The following PML variants were observed in gnomAD, a reference collection of about 807,000 sequenced individuals.
PML encodes the protein protein PML.
A neutral mutation model predicts 65.2 loss-of-function variants in PML; 28 were observed. The observed-to-expected ratio is 0.43, with a 90% CI of 0.32 to 0.59. PML has a LOEUF of 0.59. PML is among the 20% of genes least tolerant of loss of function. The pLI, the probability that PML is intolerant of heterozygous loss-of-function variation, is 0.08. For synonymous variants in PML, 500 were observed against 508.8 expected (o/e 0.98, Z 0.23); for missense variants, 1,021 against 1,203.4 (o/e 0.85, Z 2.24).
At chr15:73,998,610 G>T in intron 2 of PML, 134 bp downstream of exon 2, 1 of 744,432 alleles carries the variant, frequency 1.3e-6, no homozygotes. Context: ...GTGGTCTGCA[G>T]ATATGCAGTG....
chr15:74,047,057 A>C lies in PML; in HGVS notation c.*2049A>C, dbSNP rs1007165688. On this transcript the variant is annotated 3_prime_UTR_variant, in exon 9 of 9. Coordinates refer to ENST00000268058, the MANE Select transcript of PML (RefSeq NM_033238.3). ...ATGGGAGTGCCATGTGGCAGGAAAG[A>C]AGCACCGATTTCAAGAATTACTTCC... 5 of 230,226 alleles carry C rather than the reference A, an allele frequency of 2.2e-5. No individual in the cohort carries two copies. The highest frequency in any genetic ancestry group is 3.4e-5 in the Non-Finnish European group (4 of 116,288). 14.3% of individuals were successfully genotyped at this position (230,226 alleles called of 1,614,324 possible). A position where few individuals can be genotyped will look rare whatever the true frequency, so the allele number is the denominator to read the frequency against.
chr15:74,036,025 G>A (rs2071545717), intron 7 of PML: 1 of 1,613,956 alleles, frequency 6.2e-7, no homozygotes, highest in East Asian at 2.2e-5. Context: ...TCCAGCCCAT[G>A]CTCTTACAGG....
At chr15:74,034,948 A>G in intron 7 of PML, 1 of 1,460,710 alleles carries the variant, frequency 6.8e-7, no homozygotes, top group Non-Finnish European at 9.0e-7. Context: ...TAGGGGCCAA[A>G]CAAGTGAGGT....
chr15:74,045,153 G>A lies in PML; in HGVS notation c.*145G>A, dbSNP rs1048089610. 1 of 746,420 alleles carries A rather than the reference G, an allele frequency of 1.3e-6. No individual in the cohort carries two copies. 46.2% of individuals were successfully genotyped at this position (746,420 alleles called of 1,614,324 possible). On this transcript the variant is annotated 3_prime_UTR_variant, in exon 9 of 9. Coordinates refer to ENST00000268058, the MANE Select transcript of PML (RefSeq NM_033238.3). ...TTCAGAATCAGTTCCCTTTCTCTGG[G>A]ACCAAATTTCCCTTCTCTAAACATC...
chr15:74,007,650 A>T (rs1425471402), intron 2 of PML, among the ~76,000 whole-genome samples: 1 of 152,128 alleles, frequency 6.6e-6, no homozygotes, highest in African/African-American at 2.4e-5. Flanking sequence ...GTGGCTTTAA[A>T]CCTGGGACTC....
intron 2 of PML, among the ~76,000 whole-genome samples, chr15:74,014,800 G>T (rs2070493930): frequency 6.6e-6 from 1 of 152,048 alleles, no homozygotes; most frequent in Non-Finnish European, 1.5e-5. Flanking sequence ...AGCCATAGAG[G>T]ACAGGGAGGC....
chr15:74,010,517 TAAAAAAAAAAA>T (rs59230084), intron 2 of PML, among the ~76,000 whole-genome samples: 1 of 133,534 alleles, frequency 7.5e-6, no homozygotes, highest in Non-Finnish European at 1.6e-5. Flanking sequence ...GCCTTGTCTC[TAAAAAAAAAAA>T]AAAAAAAAGA....
chr15:74,018,574 C>T (rs2070700022), intron 2 of PML, among the ~76,000 whole-genome samples: 1 of 151,950 alleles, frequency 6.6e-6, no homozygotes, highest in Non-Finnish European at 1.5e-5. Flanking sequence ...GCCTGGAACT[C>T]CTGGGTGTAG....
intron 4 of PML, among the ~76,000 whole-genome samples, chr15:74,032,170 G>A (rs2141867532): frequency 6.6e-6 from 1 of 152,218 alleles, no homozygotes; most frequent in South Asian, 2.1e-4. Flanking sequence ...TGATTCCTGG[G>A]GTATCTTCCA....
At chr15:74,009,327 T>G (rs1174684917) in intron 2 of PML, among the ~76,000 whole-genome samples, 1 of 152,228 alleles carries the variant, frequency 6.6e-6, no homozygotes, top group Non-Finnish European at 1.5e-5. Flanking sequence ...CCCTGCTTGG[T>G]GCTCTCTTGG....
At chr15:74,023,461 G>A in intron 3 of PML, 53 bp downstream of exon 3, 9 of 1,390,070 alleles carry the variant, frequency 6.5e-6, no homozygotes, top group Non-Finnish European at 9.0e-6. Context: ...TGCACCCTAG[G>A]GAAGGCGAGT....
rs753491071 is a variant in PML at position 74,023,116 on chromosome 15, G to A, written c.891G>A (p.Leu297=). 1 of 1,604,134 alleles carries A rather than the reference G, an allele frequency of 6.2e-7. No individual in the cohort carries two copies. Among genetic ancestry groups the A allele is most frequent in the Admixed American group, 1.7e-5 (1 of 59,936 alleles). ...VAHVRAQERE[L]LEAVDARYQR... ...ACGTGCGGGCTCAGGAGCGCGAGCT[G>A]CTGGAGGCTGTGGACGCGCGGTACC... The change falls in exon 3 of 9, where the codon CTG becomes CTA. Residue 297 remains leucine (L), a synonymous_variant. Coordinates refer to ENST00000268058, the MANE Select transcript of PML (RefSeq NM_033238.3).
At chr15:74,030,664 AAACAAACG>A (rs1232616978) in intron 4 of PML, among the ~76,000 whole-genome samples, 7 of 152,014 alleles carry the variant, frequency 4.6e-5, no homozygotes, top group Non-Finnish European at 1.0e-4. Context: ...ACAAACAAAC[AAACAAACG>A]AACAAAAAAC....
chr15:74,041,670 C>A (rs1299050149), intron 7 of PML: 7 of 152,246 alleles, frequency 4.6e-5, no homozygotes, highest in Non-Finnish European at 1.0e-4. Context: ...CCTACAAAAA[C>A]CCACCACATC....
intron 4 of PML, chr15:74,026,014 T>G (rs1326392547): frequency 6.6e-6 from 1 of 152,338 alleles, no homozygotes. Context: ...GAGACAGGAC[T>G]TAAGAGTCTC....
intron 4 of PML, among the ~76,000 whole-genome samples, chr15:74,030,473 AC>A (rs1176874875): frequency 6.6e-6 from 1 of 152,094 alleles, no homozygotes; most frequent in African/African-American, 2.4e-5. Flanking sequence ...ACATGGTGAA[AC>A]CCCATCTCTA....
intron 2 of PML, among the ~76,000 whole-genome samples, chr15:74,016,003 G>A (rs1189642822): frequency 6.6e-6 from 1 of 152,242 alleles, no homozygotes; most frequent in South Asian, 2.1e-4. Flanking sequence ...ACTCGGCCAG[G>A]CGAGATGGCT....
intron 2 of PML, among the ~76,000 whole-genome samples, chr15:74,001,732 A>G (rs2069771592): frequency 6.6e-6 from 1 of 152,138 alleles, no homozygotes; most frequent in South Asian, 2.1e-4. Flanking sequence ...CTCATAGTCA[A>G]TCATTTCTCA....
chr15:74,014,648 G>T (rs891449365), intron 2 of PML, among the ~76,000 whole-genome samples: 2 of 151,760 alleles, frequency 1.3e-5, no homozygotes, highest in African/African-American at 4.8e-5. Flanking sequence ...TATAGTCCCA[G>T]CTACTCAGTA....
Sources: gnomAD v4.1 joint callset for allele counts (sites outside exome capture counted in the v4.1 genomes callset) on GRCh38, gnomAD v4.1.1 for gene constraint, MANE v1.5 for transcripts, NCBI Gene and HGNC (gene_info 2026-07-23, HGNC 2026-07-21) for gene names.